TMEM132B: variants seen among roughly 807,000 people sequenced by gnomAD.
TMEM132B encodes transmembrane protein 132B.
Under a neutral mutation model 90.8 loss-of-function variants are expected in TMEM132B, and 18 were observed. That is an observed-to-expected ratio of 0.20 (90% CI 0.14 to 0.29). The LOEUF is 0.29. TMEM132B is among the 10% of genes least tolerant of loss of function. TMEM132B has a pLI of 1.00. For missense variants in TMEM132B, 1,096 were observed against 1,326.8 expected (o/e 0.83, Z 2.70); for synonymous variants, 504 against 523.3 (o/e 0.96, Z 0.50).
intron 1 of TMEM132B, among the ~76,000 whole-genome samples, chr12:125,263,078 C>T (rs1055958381): frequency 3.3e-5 from 5 of 152,222 alleles, no homozygotes; most frequent in African/African-American, 9.6e-5. Flanking sequence ...CTGCTCGTTC[C>T]TTCTCAAGTA....
intron 1 of TMEM132B, among the ~76,000 whole-genome samples, chr12:125,322,682 G>C (rs1279685088): frequency 1.3e-5 from 2 of 152,134 alleles, no homozygotes; most frequent in Non-Finnish European, 2.9e-5. Flanking sequence ...GAACAAAACT[G>C]TTAAAATATT....
At chr12:125,202,202 G>A (rs1359711864) in intron 1 of TMEM132B, among the ~76,000 whole-genome samples, 4 of 152,266 alleles carry the variant, frequency 2.6e-5, no homozygotes, top group Non-Finnish European at 5.9e-5. Flanking sequence ...AAGCGCTGGG[G>A]AAGAAGTCTT....
At chr12:125,300,024 A>C (rs535697395) in intron 1 of TMEM132B, among the ~76,000 whole-genome samples, 106 of 152,160 alleles carry the variant, frequency 7.0e-4, no homozygotes, top group African/African-American at 2.5e-3. Context: ...TGTTCCTCCC[A>C]TGCGCCCTGC....
chr12:125,492,222 G>C lies in TMEM132B; in HGVS notation c.1107-27217G>C, dbSNP rs1200682447. Among the ~76,000 whole-genome samples the C allele has an allele frequency of 6.6e-6, 1 of 152,198 alleles. No individual in the cohort carries two copies. The highest frequency in any genetic ancestry group is 1.5e-5 in the Non-Finnish European group (1 of 68,024). ...CGCATAAGGGGCTCGCTGGCCACTT[G>C]TGCAAATGTTTCCTGTGCAAGTTAC... On this transcript the variant is annotated intron_variant, in intron 3 of 8. Coordinates refer to ENST00000682704, the MANE Select transcript of TMEM132B (RefSeq NM_001366854.1). This position sits in a 1 kb window ranked among gnomAD's most constrained non-coding sequence, Gnocchi z 5.8.
chr12:125,462,583 A>T (rs1178166279), intron 3 of TMEM132B, among the ~76,000 whole-genome samples: 1 of 152,190 alleles, frequency 6.6e-6, no homozygotes, highest in African/African-American at 2.4e-5. Flanking sequence ...GTGACGTCAA[A>T]TTGAGCCCTG....
intron 1 of TMEM132B, among the ~76,000 whole-genome samples, chr12:125,256,991 T>G (rs1396818852): frequency 4.6e-5 from 7 of 152,162 alleles, no homozygotes; most frequent in Non-Finnish European, 8.8e-5. Context: ...GCCTGGGATT[T>G]ATTAGAAATT....
intron 5 of TMEM132B, among the ~76,000 whole-genome samples, chr12:125,589,380 G>A (rs973881034): frequency 2.0e-5 from 3 of 150,726 alleles, no homozygotes; most frequent in Admixed American, 6.6e-5. Context: ...TACTCGGGAG[G>A]CTGAGGCAGG....
chr12:125,415,816 T>C lies in TMEM132B; in HGVS notation c.1106+139T>C. On this transcript the variant is annotated intron_variant, in intron 3 of 8. Transcript: ENST00000682704. The surrounding 1 kb of genome is among the most constrained non-coding windows in gnomAD (Gnocchi z 5.3). ...GAAATGATTTTTGAGGTCGGCAGTC[T>C]CAAAAATCACCAGAGTTCACATTTA... The C allele has an allele frequency of 8.4e-7, 1 of 1,184,440 alleles. No homozygotes were observed. Among genetic ancestry groups the C allele is most frequent in the Non-Finnish European group, 1.1e-6 (1 of 891,954 alleles). The allele number at this position is 1,184,440 out of a possible 1,614,324, so 73.4% of individuals were successfully genotyped here.
chr12:125,326,778 C>A, intron 1 of TMEM132B: 1 of 1,240,020 alleles, frequency 8.1e-7, no homozygotes, highest in Non-Finnish European at 1.1e-6. Flanking sequence ...TTGCAGCAAA[C>A]TTCTTGAAAG....
chr12:125,580,836 T>G (rs1467840469), intron 4 of TMEM132B, among the ~76,000 whole-genome samples: 1 of 152,228 alleles, frequency 6.6e-6, no homozygotes, highest in Non-Finnish European at 1.5e-5. Context: ...CTTCAAGGCA[T>G]GAAACCTAGA....
intron 3 of TMEM132B, among the ~76,000 whole-genome samples, chr12:125,474,559 G>T (rs967927753): frequency 1.6e-4 from 24 of 152,234 alleles, no homozygotes; most frequent in African/African-American, 5.5e-4. Flanking sequence ...AAAGTGCTGG[G>T]ATTGCAGTCA....
chr12:125,636,374 A>G (rs549621594), intron 5 of TMEM132B, among the ~76,000 whole-genome samples: 4 of 152,290 alleles, frequency 2.6e-5, no homozygotes, highest in Admixed American at 1.3e-4. Context: ...TTGGCTTTGA[A>G]TATTTCCAAT....
rs534244828 is a variant in TMEM132B, at chr12:125,407,003, C to T, written c.960-8528C>T. 2.0e-5 allele frequency among the ~76,000 whole-genome samples: 3 copies of T among 152,292 alleles called. No homozygotes were observed. The highest frequency in any genetic ancestry group is 7.2e-5 in the African/African-American group (3 of 41,554). ...ATTTGCTTCTCCCAGAGCTGATGTG[C>T]AACCATAGGCACAGAGTGCTGCCAA... is the stretch of plus-strand genomic sequence containing the variant. On this transcript the variant is annotated intron_variant, in intron 2 of 8. Transcript: ENST00000682704. This position sits in a 1 kb window ranked among gnomAD's most constrained non-coding sequence, Gnocchi z 6.7.
chr12:125,530,233 G>GT (rs34629082), intron 4 of TMEM132B, among the ~76,000 whole-genome samples: 25,899 of 147,454 alleles, frequency 0.18, 2,320 homozygotes, highest in Non-Finnish European at 0.21. Flanking sequence ...TTATTCCATA[G>GT]TTTTTTTTTT....
At chr12:125,467,798 C>T (rs542734495) in intron 3 of TMEM132B, among the ~76,000 whole-genome samples, 1 of 152,328 alleles carries the variant, frequency 6.6e-6, no homozygotes, top group East Asian at 1.9e-4. Flanking sequence ...CTCTAATCTG[C>T]TTTCTGTCTC....
At position 125,644,030 on chromosome 12, in the gene TMEM132B, T is replaced by C. The variant is rs1243227010; in HGVS notation, c.1438-46T>C. The C allele has an allele frequency of 5.1e-6, 8 of 1,566,210 alleles. No individual in the cohort carries two copies. In the Admixed American group the frequency reaches 1.0e-4, roughly 20 times the overall value. Reference sequence around the variant, plus strand: ...TTTCACTGTTGTTGTTTTTTCCTTGTGCTTTTCCTACTGATGCATCTCAAG... The same window carrying C: ...TTTCACTGTTGTTGTTTTTTCCTTGCGCTTTTCCTACTGATGCATCTCAAG... On this transcript the variant is annotated intron_variant, in intron 5 of 8. Transcript: ENST00000682704.
At chr12:125,360,187 T>C (rs1436032706) in intron 2 of TMEM132B, among the ~76,000 whole-genome samples, 1 of 152,234 alleles carries the variant, frequency 6.6e-6, no homozygotes, top group African/African-American at 2.4e-5. Flanking sequence ...ACATGTAAGA[T>C]AACATCTGAC....
chr12:125,616,837 T>C (rs1885999626), intron 5 of TMEM132B, among the ~76,000 whole-genome samples: 1 of 152,178 alleles, frequency 6.6e-6, no homozygotes, highest in Non-Finnish European at 1.5e-5. Flanking sequence ...GATGGGACTC[T>C]GTGATGGGAT....
chr12:125,432,146 G>A (rs575237031), intron 3 of TMEM132B, among the ~76,000 whole-genome samples: 34 of 151,752 alleles, frequency 2.2e-4, no homozygotes, highest in African/African-American at 7.3e-4. Flanking sequence ...TTACTCTTGC[G>A]AATCCTGTAA....
Sources: gnomAD v4.1 joint callset for allele counts (sites outside exome capture counted in the v4.1 genomes callset) on GRCh38, gnomAD v4.1.1 for gene constraint, Gnocchi (gnomAD v3.1) non-coding constraint, MANE v1.5 for transcripts, NCBI Gene and HGNC (gene_info 2026-07-23, HGNC 2026-07-21) for gene names.